KIAA1217: variants seen among roughly 807,000 people sequenced by gnomAD.
KIAA1217 encodes the protein KIAA1217.
In KIAA1217, 88 loss-of-function variants were observed where a neutral mutation model predicts 163.9. The ratio of observed to expected loss-of-function variants is 0.54; its 90% confidence interval spans 0.45 to 0.64. The LOEUF is 0.64. Among genes scored for constraint, KIAA1217 ranks in the 30% least tolerant of loss-of-function variants. KIAA1217 has a pLI of 0.00. For missense variants in KIAA1217, 2,372 were observed against 2,475.0 expected (o/e 0.96, Z 0.88); for synonymous variants, 903 against 923.1 (o/e 0.98, Z 0.39).
chr10:23,716,750 T>A (rs1837596608), intron 1 of KIAA1217, among the ~76,000 whole-genome samples: 1 of 152,196 alleles, frequency 6.6e-6, no homozygotes, highest in Admixed American at 6.6e-5. Context: ...TATATTTATA[T>A]GCATGTAACA....
intron 5 of KIAA1217, among the ~76,000 whole-genome samples, chr10:24,467,161 G>A (rs997333658): frequency 2.6e-5 from 4 of 152,034 alleles, no homozygotes; most frequent in Non-Finnish European, 4.4e-5. Context: ...ATAATATATA[G>A]CTACATGTAA....
chr10:24,473,076 A>G, intron 5 of KIAA1217, 152 bp from the exon 6 acceptor site: 1 of 553,104 alleles, frequency 1.8e-6, no homozygotes, highest in South Asian at 3.6e-5. Flanking sequence ...CCCCATCTGC[A>G]AAGTCTCTTT....
intron 1 of KIAA1217, among the ~76,000 whole-genome samples, chr10:23,708,443 C>T (rs368192741): frequency 6.6e-5 from 10 of 152,176 alleles, no homozygotes; most frequent in Non-Finnish European, 1.5e-4. Context: ...TGGGTGACAT[C>T]CTGGCTCACA....
chr10:23,914,022 C>T (rs576508009), intron 1 of KIAA1217, among the ~76,000 whole-genome samples: 2 of 152,248 alleles, frequency 1.3e-5, no homozygotes, highest in African/African-American at 4.8e-5. Context: ...ATGCCCTGCC[C>T]TTGGGAGAAA....
intron 6 of KIAA1217, among the ~76,000 whole-genome samples, chr10:24,493,030 G>C (rs1287021329): frequency 6.6e-6 from 1 of 152,100 alleles, no homozygotes; most frequent in Non-Finnish European, 1.5e-5. Context: ...ATTTATAGTA[G>C]AGACGGGGTT....
chr10:24,404,591 A>C (rs1483492193), intron 3 of KIAA1217, among the ~76,000 whole-genome samples: 1 of 150,614 alleles, frequency 6.6e-6, no homozygotes, highest in Non-Finnish European at 1.5e-5. Flanking sequence ...AAAAAAAAAA[A>C]AACTGAAAAT....
Position 24,323,906 on chromosome 10 carries a change from T to C in KIAA1217, c.355-56963T>C, listed in dbSNP as rs559764688. On this transcript the variant is annotated intron_variant, in intron 2 of 20. Coordinates refer to ENST00000376454, the MANE Select transcript of KIAA1217 (RefSeq NM_019590.5). ...GAGTTAATGTATCCTAGTTAATTAA[T>C]GATAGTATGTTTCTAAAAATCAAAG... is the stretch of plus-strand genomic sequence containing the variant. Among the ~76,000 whole-genome samples the C allele has an allele frequency of 5.5e-4, 84 of 151,972 alleles. No homozygotes were observed. In the South Asian group the frequency reaches 0.017, roughly 31 times the overall value.
intron 2 of KIAA1217, among the ~76,000 whole-genome samples, chr10:24,317,067 G>A (rs1011930230): frequency 3.9e-5 from 6 of 152,054 alleles, no homozygotes; most frequent in Admixed American, 6.6e-5. Flanking sequence ...TATTATAAAC[G>A]TTGGCCATGT....
intron 1 of KIAA1217, among the ~76,000 whole-genome samples, chr10:23,722,098 C>A (rs1837903278): frequency 6.6e-6 from 1 of 152,090 alleles, no homozygotes; most frequent in African/African-American, 2.4e-5. Context: ...CACAGAAAGA[C>A]AAATACTGTA....
intron 1 of KIAA1217, among the ~76,000 whole-genome samples, chr10:23,937,607 G>A (rs1466317195): frequency 6.6e-6 from 1 of 152,146 alleles, no homozygotes; most frequent in Admixed American, 6.5e-5. Context: ...TATAAAAGGT[G>A]GCTGAGAAGA....
intron 2 of KIAA1217, among the ~76,000 whole-genome samples, chr10:24,355,156 T>C (rs4080027): frequency 0.46 from 70,508 of 151,956 alleles, 16,459 homozygotes; most frequent in East Asian, 0.53. Flanking sequence ...TTGGCTGAAC[T>C]CAGTCCCTGG....
chr10:24,005,522 AGTC>A (rs1846953811), intron 1 of KIAA1217, among the ~76,000 whole-genome samples: 1 of 152,176 alleles, frequency 6.6e-6, no homozygotes, highest in Non-Finnish European at 1.5e-5. Flanking sequence ...CAGACTTTGA[AGTC>A]ACACTGACCT....
chr10:23,909,362 A>C (rs564467345), intron 1 of KIAA1217, among the ~76,000 whole-genome samples: 25 of 152,124 alleles, frequency 1.6e-4, no homozygotes, highest in African/African-American at 5.1e-4. Flanking sequence ...AAATAAAAAA[A>C]ATTAAAAAAT....
chr10:24,017,030 T>G (rs1305868434), intron 2 of KIAA1217, among the ~76,000 whole-genome samples: 1 of 130,280 alleles, frequency 7.7e-6, no homozygotes, highest in African/African-American at 2.7e-5. Context: ...GTTGGTTAGT[T>G]AGTTTTTTTG....
Position 24,546,140 on chromosome 10 carries a change from A to C in KIAA1217, c.5648A>C (p.Gln1883Pro), listed in dbSNP as rs2075705739. 6.2e-7 allele frequency: 1 copy of C among 1,614,070 alleles called. No individual in the cohort carries two copies. Among genetic ancestry groups the C allele is most frequent in the African/African-American group, 1.3e-5 (1 of 74,926 alleles). ...GHHLSFSPQS[Q>P]NGRAPPPLSF... ...CATCTTTCATTCTCACCGCAGAGTCAAAATGGCCGAGCACCCCCTCCTTTG... is the reference window on the plus strand; with the variant it reads ...CATCTTTCATTCTCACCGCAGAGTCCAAATGGCCGAGCACCCCCTCCTTTG... The change falls in exon 21 of 21, where the codon CAA becomes CCA. Residue 1883 changes from glutamine to proline, a missense_variant. By Grantham distance (76) the Gln-to-Pro change is moderately conservative. Coordinates refer to ENST00000376454, the MANE Select transcript of KIAA1217 (RefSeq NM_019590.5).
At chr10:24,511,085 G>A (rs1391183204) in intron 9 of KIAA1217, among the ~76,000 whole-genome samples, 5 of 146,376 alleles carry the variant, frequency 3.4e-5, no homozygotes, top group South Asian at 2.2e-4. Context: ...GGAGTCTGGC[G>A]GAGGTTGCAG....
At chr10:24,388,286 C>CA (rs1758417976) in intron 3 of KIAA1217, among the ~76,000 whole-genome samples, 1 of 152,086 alleles carries the variant, frequency 6.6e-6, no homozygotes, top group Admixed American at 6.5e-5. Flanking sequence ...ACAAACCTGA[C>CA]AAAAACAAGC....
At chr10:24,314,805 G>C (rs368506018) in intron 2 of KIAA1217, among the ~76,000 whole-genome samples, 45 of 152,168 alleles carry the variant, frequency 3.0e-4, no homozygotes, top group South Asian at 1.0e-3. Context: ...TCAGCCGGGC[G>C]TGGTGGCAGG....
chr10:24,250,621 T>TTTTTGG (rs1434959136), intron 2 of KIAA1217, among the ~76,000 whole-genome samples: 1 of 50,730 alleles, frequency 2.0e-5, no homozygotes, highest in Non-Finnish European at 3.3e-5. Context: ...TTTGTATTGT[T>TTTTTGG]AATAGAGACG....
Sources: gnomAD v4.1 joint callset for allele counts (sites outside exome capture counted in the v4.1 genomes callset) on GRCh38, gnomAD v4.1.1 for gene constraint, MANE v1.5 for transcripts, NCBI Gene and HGNC (gene_info 2026-07-23, HGNC 2026-07-21) for gene names.